Variants in NEO1 observed in about 807,000 individuals in gnomAD.
NEO1 encodes neogenin 1.
NEO1 carries 63 observed loss-of-function variants against 159.7 expected under a neutral mutation model. That is an observed-to-expected ratio of 0.39 (90% confidence interval 0.32 to 0.49). The LOEUF is 0.49. NEO1 is among the 20% of genes least tolerant of loss of function. NEO1 has a pLI of 0.85. For synonymous variants in NEO1, 633 were observed against 662.0 expected, an observed-to-expected ratio of 0.96 and a Z score of 0.67; for missense variants, 1,615 against 1,831.0, an observed-to-expected ratio of 0.88 and a Z score of 2.15.
At chr15:73,273,064 G>C (rs1411638306) in intron 19 of NEO1, among the ~76,000 whole-genome samples, 1 of 148,366 alleles carries the variant, frequency 6.7e-6, no homozygotes, top group Non-Finnish European at 1.5e-5. Context: ...TATAATTAGA[G>C]TTAAAAGTGA....
intron 18 of NEO1, 68 bp from the exon 19 acceptor site, chr15:73,272,387 A>G (rs1370417428): frequency 9.0e-6 from 11 of 1,216,316 alleles, no homozygotes; most frequent in Non-Finnish European, 1.3e-5. Flanking sequence ...TACAAGTGGA[A>G]AAGGTTGAAG....
rs148930882 is a variant in NEO1 at position 73,078,111 on chromosome 15, G to A, written c.130+25306G>A. Among the ~76,000 whole-genome samples, 461 of 152,208 alleles carry A rather than the reference G, an allele frequency of 3.0e-3. 2 individuals are homozygous for A. Among genetic ancestry groups the A allele is most frequent in the Non-Finnish European group, 4.8e-3 (324 of 68,018 alleles). On this transcript the variant is annotated intron_variant, in intron 1 of 28. Coordinates refer to ENST00000261908, the MANE Select transcript of NEO1 (RefSeq NM_002499.4). Reference sequence around the variant, plus strand: ...CACAAGAAAGGGATAGAAAAGAAGCGTCCTTGATCTGACAGTGGTGTATAC... The same window carrying A: ...CACAAGAAAGGGATAGAAAAGAAGCATCCTTGATCTGACAGTGGTGTATAC...
intron 7 of NEO1, among the ~76,000 whole-genome samples, chr15:73,196,239 A>G (rs1278721845): frequency 6.6e-6 from 1 of 152,196 alleles, no homozygotes; most frequent in African/African-American, 2.4e-5. Flanking sequence ...AAAAAGTCAG[A>G]TGACTTCCTT....
intron 7 of NEO1, among the ~76,000 whole-genome samples, chr15:73,234,826 A>G (rs2039088377): frequency 6.6e-6 from 1 of 152,212 alleles, no homozygotes; most frequent in South Asian, 2.1e-4. Flanking sequence ...GCTTGGCTAT[A>G]TCCAGAGGTC....
rs573737725 is a variant in NEO1 at position 73,096,679 on chromosome 15, C to T, written c.131-19861C>T. ...GTCCTTCTCCCCCAGGGCAATACTC[C>T]TGGTCATTCTTTTCATCAAGCAAGG... On this transcript the variant is annotated intron_variant, in intron 1 of 28. Coordinates refer to ENST00000261908, the MANE Select transcript of NEO1 (RefSeq NM_002499.4). 4.6e-5 allele frequency among the ~76,000 whole-genome samples: 7 copies of T among 152,274 alleles called. No homozygotes were observed. In the South Asian group the frequency reaches 6.2e-4, roughly 14 times the overall value.
intron 5 of NEO1, chr15:73,161,968 T>G (rs946959324): frequency 9.6e-5 from 20 of 208,812 alleles, no homozygotes; most frequent in Non-Finnish European, 1.6e-4. Flanking sequence ...GTTTGTTTGT[T>G]TTTTTTTCTC....
chr15:73,175,854 A>G (rs923009646), intron 5 of NEO1, among the ~76,000 whole-genome samples: 13 of 152,166 alleles, frequency 8.5e-5, no homozygotes, highest in Non-Finnish European at 1.9e-4. Context: ...GACTTTTTCA[A>G]ATGTACTTAT....
chr15:73,116,415 CTA>C (rs143744012), intron 1 of NEO1, 123 bp from the exon 2 acceptor site: 236,631 of 739,334 alleles, frequency 0.32, 41,676 homozygotes, highest in Middle Eastern at 0.38. Context: ...AGTGAGATGA[CTA>C]TATTTATGTG....
rs1201704952 is a variant in NEO1 at position 73,231,089 on chromosome 15, CAT to C, written c.1292-5256_1292-5255del. 1.3e-5 allele frequency among the ~76,000 whole-genome samples: 2 copies of C among 152,114 alleles called. 1 individual carries two copies. The highest frequency in any genetic ancestry group is 4.2e-4 in the South Asian group (2 of 4,816). ...ATTATTATATTCAAAGAAGAAATAA[CAT>C]AATTCAATAATAATTGCAGATTTCA... On this transcript the variant is annotated intron_variant, in intron 7 of 28. Coordinates refer to ENST00000261908, the MANE Select transcript of NEO1 (RefSeq NM_002499.4).
At chr15:73,145,490 A>G (rs1324165745) in intron 5 of NEO1, among the ~76,000 whole-genome samples, 1 of 152,224 alleles carries the variant, frequency 6.6e-6, no homozygotes, top group Non-Finnish European at 1.5e-5. Context: ...GTATGCATGC[A>G]ATGATGTATA....
intron 5 of NEO1, among the ~76,000 whole-genome samples, chr15:73,156,886 G>T (rs2033819380): frequency 6.6e-6 from 1 of 152,180 alleles, no homozygotes; most frequent in East Asian, 1.9e-4. Flanking sequence ...GACGGGGGTG[G>T]CAGGGCAGTT....
chr15:73,203,469 T>C (rs2037026200), intron 7 of NEO1, among the ~76,000 whole-genome samples: 1 of 152,198 alleles, frequency 6.6e-6, no homozygotes, highest in Admixed American at 6.5e-5. Context: ...TTAAAGTGAT[T>C]GTTGCTGTAA....
intron 5 of NEO1, among the ~76,000 whole-genome samples, chr15:73,167,137 A>G (rs1454536703): frequency 3.6e-5 from 3 of 84,442 alleles, no homozygotes; most frequent in African/African-American, 4.6e-5. Flanking sequence ...GGGTGGGGGG[A>G]GGGGGGAGGG....
intron 7 of NEO1, among the ~76,000 whole-genome samples, chr15:73,187,737 G>A (rs117053137): frequency 2.0e-4 from 30 of 152,272 alleles, no homozygotes; most frequent in Non-Finnish European, 3.7e-4. Context: ...CACAGTTTGC[G>A]AATCTCAATC....
rs2042689974 is a variant in NEO1, at chr15:73,303,362, A to T, written c.*666A>T. 6.6e-6 allele frequency: 1 copy of T among 152,090 alleles called. No individual in the cohort carries two copies. The highest frequency in any genetic ancestry group is 2.4e-5 in the African/African-American group (1 of 41,264). The allele number at this position is 152,090 out of a possible 1,614,324, so 9.4% of individuals were successfully genotyped here. On this transcript the variant is annotated 3_prime_UTR_variant, in exon 29 of 29. Transcript: ENST00000261908. ...AAGCTTTTTTTATTATTTTTTTATT[A>T]TAATTATTAAAGGCCTGACTCTTTC... is the stretch of plus-strand genomic sequence containing the variant.
At chr15:73,238,780 G>A (rs528125822) in intron 8 of NEO1, among the ~76,000 whole-genome samples, 2 of 152,084 alleles carry the variant, frequency 1.3e-5, no homozygotes, top group Admixed American at 6.5e-5. Flanking sequence ...TTAAAAAAAG[G>A]TTTTCACCAT....
chr15:73,089,895 C>T (rs1246834072), intron 1 of NEO1, among the ~76,000 whole-genome samples: 1 of 152,154 alleles, frequency 6.6e-6, no homozygotes, highest in African/African-American at 2.4e-5. Flanking sequence ...ATGACTTAAA[C>T]ACTGACCGTT....
At position 73,302,760 on chromosome 15, in the gene NEO1, C is replaced by A; in HGVS notation, c.*64C>A. The A allele has an allele frequency of 1.4e-6, 2 of 1,440,518 alleles. No homozygotes were observed. Among genetic ancestry groups the A allele is most frequent in the Non-Finnish European group, 1.9e-6 (2 of 1,031,176 alleles). 89.2% of individuals were successfully genotyped at this position (1,440,518 alleles called of 1,614,324 possible). ...AAGTCTTGGAACTTACCCTTGAAAA[C>A]AAGGAATTGTACAGAGTACGAGAGG... On this transcript the variant is annotated 3_prime_UTR_variant, in exon 29 of 29. Coordinates refer to ENST00000261908, the MANE Select transcript of NEO1 (RefSeq NM_002499.4).
At chr15:73,300,690 C>T (rs1194295894) in intron 27 of NEO1, among the ~76,000 whole-genome samples, 1 of 152,130 alleles carries the variant, frequency 6.6e-6, no homozygotes, top group Non-Finnish European at 1.5e-5. Flanking sequence ...GAGGTTGCTC[C>T]ACTGCACTCC....
Sources: allele counts gnomAD v4.1 joint callset (sites outside exome capture counted in the v4.1 genomes callset), GRCh38; gene constraint gnomAD v4.1.1; transcripts MANE v1.5; gene names NCBI Gene and HGNC (gene_info 2026-07-23, HGNC 2026-07-21).